WDR19: variants seen among roughly 807,000 people sequenced by gnomAD.
WDR19 encodes WD repeat-containing protein 19.
WDR19 carries 121 observed loss-of-function variants against 180.0 expected under a neutral mutation model. That is an observed-to-expected ratio of 0.67 (90% CI 0.58 to 0.78). The LOEUF is 0.78. WDR19 is among the 30% of genes least tolerant of loss of function. The probability of loss-of-function intolerance (pLI) is 0.00; values close to 1 mark genes in which losing one functional copy is unlikely to be tolerated. For synonymous variants in WDR19, 497 were observed against 540.7 expected, an observed-to-expected ratio of 0.92 and a Z score of 1.12; for missense variants, 1,450 against 1,640.7, an observed-to-expected ratio of 0.88 and a Z score of 2.01.
At chr4:39,228,804 A>ATTTT in intron 17 of WDR19, 114 bp downstream of exon 17, 2 of 963,624 alleles carry the variant, frequency 2.1e-6, no homozygotes, top group Non-Finnish European at 2.8e-6. Context: ...CCTTGCAAGA[A>ATTTT]TTTTTTTTTT....
chr4:39,233,341 A>T (rs889383373), intron 19 of WDR19, among the ~76,000 whole-genome samples: 1 of 152,200 alleles, frequency 6.6e-6, no homozygotes, highest in Non-Finnish European at 1.5e-5. Flanking sequence ...TCACAGTCAG[A>T]CATGTCTGGG....
At chr4:39,232,854 T>A (rs1731018247) in intron 19 of WDR19, among the ~76,000 whole-genome samples, 1 of 152,206 alleles carries the variant, frequency 6.6e-6, no homozygotes, top group Admixed American at 6.5e-5. Flanking sequence ...TTAATTATAA[T>A]GTTAATCATT....
chr4:39,202,678 G>T (rs1727489180), intron 6 of WDR19, among the ~76,000 whole-genome samples: 2 of 139,468 alleles, frequency 1.4e-5, no homozygotes, highest in African/African-American at 2.4e-5. Context: ...TAATACAAAA[G>T]TACATATGCA....
intron 24 of WDR19, among the ~76,000 whole-genome samples, chr4:39,252,236 T>C (rs994615493): frequency 6.6e-5 from 10 of 151,584 alleles, no homozygotes; most frequent in Non-Finnish European, 1.5e-4. Context: ...GAAACCATCA[T>C]TCTCAGCAAA....
chr4:39,225,734 G>A (rs568690744), intron 15 of WDR19, among the ~76,000 whole-genome samples: 1 of 152,078 alleles, frequency 6.6e-6, no homozygotes, highest in African/African-American at 2.4e-5. Flanking sequence ...TAAACAGCCT[G>A]CTCCTCACTG....
intron 13 of WDR19, among the ~76,000 whole-genome samples, chr4:39,217,636 A>C (rs1729200929): frequency 6.6e-6 from 1 of 152,166 alleles, no homozygotes; most frequent in Non-Finnish European, 1.5e-5. Flanking sequence ...CTTTGAAACC[A>C]TGCCTGCTGA....
intron 36 of WDR19, among the ~76,000 whole-genome samples, chr4:39,283,808 T>C (rs1736838593): frequency 6.6e-6 from 1 of 152,204 alleles, no homozygotes; most frequent in African/African-American, 2.4e-5. Flanking sequence ...CCTGAAGTAC[T>C]TCCTTTGACA....
Position 39,266,070 on chromosome 4 carries a change from A to C in WDR19, c.3191A>C (p.Gln1064Pro). ...TTCTCTCTTATTAAACAGGTTGGTC[A>C]GGCCAAAGATGAACTGCTGACCAAT... is the stretch of plus-strand genomic sequence containing the variant. ...AIEMAIETVG[Q>P]AKDELLTNQL... is the part of the protein sequence containing the mutation. The change falls in exon 29 of 37, where the codon CAG (glutamine) becomes CCG (proline). Residue 1064 changes from glutamine (Q) to proline (P), a missense_variant. Transcript: ENST00000399820. 6.4e-7 allele frequency: 1 copy of C among 1,554,842 alleles called. No individual in the cohort carries two copies. The highest frequency in any genetic ancestry group is 8.7e-7 in the Non-Finnish European group (1 of 1,148,716).
At chr4:39,195,834 T>C (rs1414144804) in intron 5 of WDR19, among the ~76,000 whole-genome samples, 1 of 152,234 alleles carries the variant, frequency 6.6e-6, no homozygotes, top group Non-Finnish European at 1.5e-5. Flanking sequence ...ATCTCTTTAA[T>C]GTTAACATTA....
chr4:39,282,062 C>A (rs1483320874), intron 36 of WDR19, among the ~76,000 whole-genome samples: 2 of 152,212 alleles, frequency 1.3e-5, no homozygotes, highest in East Asian at 3.9e-4. Flanking sequence ...AAGCCCACAA[C>A]AAACTCTCTT....
At chr4:39,241,727 G>A (rs1284366795) in intron 21 of WDR19, among the ~76,000 whole-genome samples, 2 of 150,650 alleles carry the variant, frequency 1.3e-5, no homozygotes, top group African/African-American at 2.4e-5. Context: ...ATTGGGAAGC[G>A]GAGGTTGTAG....
At chr4:39,189,920 T>C in intron 4 of WDR19, 139 bp downstream of exon 4, 1 of 1,051,520 alleles carries the variant, frequency 9.5e-7, no homozygotes, top group South Asian at 2.0e-5. Flanking sequence ...ATTTTTATTA[T>C]TGTTACCCAA....
chr4:39,252,016 G>T (rs185405447), intron 24 of WDR19, among the ~76,000 whole-genome samples: 2 of 151,860 alleles, frequency 1.3e-5, no homozygotes, highest in African/African-American at 4.8e-5. Context: ...AGGTATATAC[G>T]CAAAGGATTA....
Position 39,273,001 on chromosome 4 carries a change from C to T in WDR19, c.3505C>T (p.His1169Tyr), listed in dbSNP as rs770967175. ...LVKIHVKNGDHMKGARMLIRV... is the reference protein window; with the variant it reads ...LVKIHVKNGDYMKGARMLIRV... ...TCAGATTCATGTTAAAAATGGAGAT[C>T]ACATGAAAGGGGCTCGCATGCTCAT... The change falls in exon 32 of 37, where the codon CAC becomes TAC. Residue 1169 changes from histidine (H) to tyrosine (Y), a missense_variant. Transcript: ENST00000399820. 1 of 1,603,030 alleles carries T rather than the reference C, an allele frequency of 6.2e-7. No homozygotes were observed. The highest frequency in any genetic ancestry group is 1.1e-5 in the South Asian group (1 of 88,256).
chr4:39,255,234 G>A (rs1733631727), intron 26 of WDR19, among the ~76,000 whole-genome samples: 1 of 152,066 alleles, frequency 6.6e-6, no homozygotes, highest in Non-Finnish European at 1.5e-5. Flanking sequence ...TATATTGGTG[G>A]GGGGTGTGTG....
At chr4:39,258,920 T>C (rs1361557924) in intron 28 of WDR19, among the ~76,000 whole-genome samples, 2 of 151,996 alleles carry the variant, frequency 1.3e-5, no homozygotes, top group Non-Finnish European at 2.9e-5. Flanking sequence ...ATACAAAAAT[T>C]AGCTGGACAT....
At chr4:39,283,779 TG>T (rs1736834970) in intron 36 of WDR19, among the ~76,000 whole-genome samples, 1 of 152,246 alleles carries the variant, frequency 6.6e-6, no homozygotes, top group South Asian at 2.1e-4. Flanking sequence ...AGTTTCCATA[TG>T]GTATTATTTC....
chr4:39,192,308 A>T (rs1726253216), intron 4 of WDR19, among the ~76,000 whole-genome samples: 1 of 152,214 alleles, frequency 6.6e-6, no homozygotes, highest in Non-Finnish European at 1.5e-5. Flanking sequence ...TTAACTGTGT[A>T]AGAGATTTCT....
At chr4:39,248,271 G>A (rs1346388352) in intron 24 of WDR19, among the ~76,000 whole-genome samples, 1 of 152,102 alleles carries the variant, frequency 6.6e-6, no homozygotes, top group Non-Finnish European at 1.5e-5. Flanking sequence ...AAGTGAAGGA[G>A]AAATAAAATA....
Sources: allele counts gnomAD v4.1 joint callset (sites outside exome capture counted in the v4.1 genomes callset), GRCh38; gene constraint gnomAD v4.1.1; transcripts MANE v1.5; gene names NCBI Gene and HGNC (gene_info 2026-07-23, HGNC 2026-07-21).